The following FOCAD variants were observed in gnomAD, a reference collection of about 807,000 sequenced individuals.
FOCAD encodes the protein focadhesin.
Under a neutral mutation model 225.6 loss-of-function variants are expected in FOCAD, and 198 were observed. That is an observed-to-expected ratio of 0.88 (90% CI 0.78 to 0.99). FOCAD has a LOEUF of 0.99. FOCAD is among the 50% of genes least tolerant of loss of function. The pLI, the probability that FOCAD is intolerant of heterozygous loss-of-function variation, is 0.00. For synonymous variants in FOCAD, 897 were observed against 755.0 expected, an observed-to-expected ratio of 1.19 and a Z score of -3.08; for missense variants, 2,713 against 2,123.6, an observed-to-expected ratio of 1.28 and a Z score of -5.46.
chr9:20,699,793 T>C (rs1178671998), intron 1 of FOCAD, among the ~76,000 whole-genome samples: 1 of 102,106 alleles, frequency 9.8e-6, no homozygotes, highest in African/African-American at 4.2e-5. Flanking sequence ...TATATATATA[T>C]ATATATATAT....
chr9:20,815,278 C>T (rs1454716152), intron 11 of FOCAD, among the ~76,000 whole-genome samples: 4 of 149,712 alleles, frequency 2.7e-5, no homozygotes, highest in Non-Finnish European at 5.9e-5. Flanking sequence ...AGATTACAGG[C>T]ATGCACCACC....
At chr9:20,757,902 CAGGGGGGAGAGTCAGTTCTGAT>C (rs1414405490) in intron 5 of FOCAD, among the ~76,000 whole-genome samples, 166 bp from the exon 6 acceptor site, 1 of 152,082 alleles carries the variant, frequency 6.6e-6, no homozygotes, top group African/African-American at 2.4e-5. Context: ...TAGGAAAAGG[CAGGGGGGAGAGTCAGTTCTGAT>C]GAACCAACTC....
At chr9:20,716,759 T>C (rs1825369679) in intron 2 of FOCAD, among the ~76,000 whole-genome samples, 1 of 152,206 alleles carries the variant, frequency 6.6e-6, no homozygotes, top group Non-Finnish European at 1.5e-5. Flanking sequence ...TTGGATTGCC[T>C]CTAGTAATTG....
intron 6 of FOCAD, among the ~76,000 whole-genome samples, chr9:20,761,924 C>T (rs1053070167): frequency 7.2e-5 from 11 of 151,968 alleles, no homozygotes; most frequent in South Asian, 2.1e-4. Flanking sequence ...CTTACTCCAC[C>T]GAAGTGATGA....
chr9:20,855,447 T>A (rs1828076175), intron 15 of FOCAD, among the ~76,000 whole-genome samples: 1 of 151,586 alleles, frequency 6.6e-6, no homozygotes. Flanking sequence ...TCATTTTCAA[T>A]ATTTAAAATT....
intron 15 of FOCAD, among the ~76,000 whole-genome samples, chr9:20,827,631 C>G (rs966077800): frequency 5.9e-5 from 9 of 151,752 alleles, no homozygotes; most frequent in Non-Finnish European, 4.4e-5. Flanking sequence ...TGAAATAAGA[C>G]AGACACGGAA....
chr9:20,809,466 A>G (rs1398038538), intron 11 of FOCAD, among the ~76,000 whole-genome samples: 1 of 152,174 alleles, frequency 6.6e-6, no homozygotes, highest in Non-Finnish European at 1.5e-5. Flanking sequence ...CAATTGATCA[A>G]TCAAATTAAA....
rs377327356 is a variant in FOCAD, at chr9:20,820,897, A to G, written c.1663-44A>G. 30 of 1,598,420 alleles carry G rather than the reference A, an allele frequency of 1.9e-5. No individual in the cohort carries two copies. In the African/African-American group the frequency reaches 3.8e-4, roughly 20 times the overall value. On this transcript the variant is annotated intron_variant, in intron 13 of 43. Transcript: ENST00000338382. ...GTAAAAGGAAGATAATGATTATTCA[A>G]CTCAAGTTGGGAAACTACCTTTTTT...
At chr9:20,945,621 G>T (rs1837095732) in intron 29 of FOCAD, among the ~76,000 whole-genome samples, 1 of 152,190 alleles carries the variant, frequency 6.6e-6, no homozygotes, top group African/African-American at 2.4e-5. Flanking sequence ...TTAAAGCAGT[G>T]TAGAGTGTGA....
At position 20,986,475 on chromosome 9, in the gene FOCAD, C is replaced by G. The variant is rs573064888; in HGVS notation, c.4906+10C>G. 6.3e-7 allele frequency: 1 copy of G among 1,583,614 alleles called. No individual in the cohort carries two copies. Among genetic ancestry groups the G allele is most frequent in the South Asian group, 1.2e-5 (1 of 86,814 alleles). On this transcript the variant is annotated intron_variant, in intron 40 of 43. Coordinates refer to ENST00000338382, the MANE Select transcript of FOCAD (RefSeq NM_001375567.1). Reference sequence around the variant, plus strand: ...AGCCATGCCAATACGGGTGAGGACACCCTGGGGTGAACATCAGAAACAGGA... The same window carrying G: ...AGCCATGCCAATACGGGTGAGGACAGCCTGGGGTGAACATCAGAAACAGGA...
intron 15 of FOCAD, among the ~76,000 whole-genome samples, chr9:20,854,156 G>A (rs1163214120): frequency 6.6e-6 from 1 of 151,694 alleles, no homozygotes; most frequent in Non-Finnish European, 1.5e-5. Flanking sequence ...AGGACAAAAG[G>A]AGTAGGCTGT....
chr9:20,758,388 A>C (rs1330055354), intron 6 of FOCAD, among the ~76,000 whole-genome samples, 197 bp downstream of exon 6: 2 of 151,844 alleles, frequency 1.3e-5, no homozygotes, highest in Non-Finnish European at 2.9e-5. Context: ...ATTATACTTT[A>C]AGTTTTAGGG....
chr9:20,990,872 C>A (rs1430628925), intron 42 of FOCAD, among the ~76,000 whole-genome samples: 2 of 152,154 alleles, frequency 1.3e-5, no homozygotes, highest in African/African-American at 2.4e-5. Context: ...TTTAAGGTTC[C>A]CCATAGCTTA....
intron 2 of FOCAD, among the ~76,000 whole-genome samples, chr9:20,667,409 G>C (rs1364696540): frequency 6.6e-6 from 1 of 152,180 alleles, no homozygotes; most frequent in Non-Finnish European, 1.5e-5. Context: ...CCAGAAGGAA[G>C]AGGACAAGTT....
At chr9:20,897,455 T>G (rs1172504713) in intron 21 of FOCAD, among the ~76,000 whole-genome samples, 1 of 151,760 alleles carries the variant, frequency 6.6e-6, no homozygotes, top group Non-Finnish European at 1.5e-5. Flanking sequence ...ATTCTGCTTT[T>G]GTATTCTTTT....
At chr9:20,714,638 T>TGCCTG (rs1563905518) in intron 1 of FOCAD, among the ~76,000 whole-genome samples, 5,937 of 53,582 alleles carry the variant, frequency 0.11, 270 homozygotes, top group Middle Eastern at 0.24. Context: ...CTGCCTGCCT[T>TGCCTG]CCTTCCTTCC....
Position 20,982,395 on chromosome 9 carries a change from C to T in FOCAD, c.4677C>T (p.Cys1559=). The change falls in exon 39 of 44, where the codon TGC becomes TGT. Residue 1559 remains cysteine (C), a synonymous_variant. Coordinates refer to ENST00000338382, the MANE Select transcript of FOCAD (RefSeq NM_001375567.1). ...DLELYISIAK[C]LLEMTDDDAN... ...AGCTGTATATCAGCATAGCAAAATG[C>T]CTCTTAGAAATGACAGATGATGATG... 6.2e-7 allele frequency: 1 copy of T among 1,613,812 alleles called. No individual in the cohort carries two copies. The highest frequency in any genetic ancestry group is 8.5e-7 in the Non-Finnish European group (1 of 1,179,814).
chr9:20,921,731 C>T (rs925936693), intron 24 of FOCAD, among the ~76,000 whole-genome samples: 1 of 152,110 alleles, frequency 6.6e-6, no homozygotes, highest in Non-Finnish European at 1.5e-5. Context: ...AAATTTTTCT[C>T]CATTACTTAA....
intron 24 of FOCAD, among the ~76,000 whole-genome samples, chr9:20,921,478 C>T (rs1207000504): frequency 1.3e-5 from 2 of 152,170 alleles, no homozygotes; most frequent in Non-Finnish European, 2.9e-5. Context: ...ATTCCCACCT[C>T]TCCAGCTCCT....
Sources: gnomAD v4.1 joint callset for allele counts (sites outside exome capture counted in the v4.1 genomes callset) on GRCh38, gnomAD v4.1.1 for gene constraint, MANE v1.5 for transcripts, NCBI Gene and HGNC (gene_info 2026-07-23, HGNC 2026-07-21) for gene names.